The following EXOC4 variants were observed in gnomAD, a reference collection of about 807,000 sequenced individuals.
EXOC4 encodes SEC8-like 1.
A neutral mutation model predicts 107.2 loss-of-function variants in EXOC4; 71 were observed. That is an observed-to-expected ratio of 0.66 (90% CI 0.55 to 0.81). The LOEUF (loss-of-function observed/expected upper bound fraction) is 0.81, where lower values mean the gene tolerates loss of function less well. Ranked by LOEUF, EXOC4 falls within the 30% of genes least tolerant of loss-of-function variation. EXOC4 has a pLI of 0.00. For missense variants in EXOC4, 1,108 were observed against 1,189.6 expected (o/e 0.93, Z 1.01); for synonymous variants, 456 against 441.2 (o/e 1.03, Z -0.42).
intron 9 of EXOC4, among the ~76,000 whole-genome samples, chr7:133,560,860 T>G (rs1800791844): frequency 6.6e-6 from 1 of 152,172 alleles, no homozygotes; most frequent in South Asian, 2.1e-4. Context: ...ATGTTTAGGA[T>G]ACAATGAATT....
chr7:133,333,860 A>C (rs1264850865), intron 5 of EXOC4, among the ~76,000 whole-genome samples: 1 of 152,244 alleles, frequency 6.6e-6, no homozygotes, highest in Non-Finnish European at 1.5e-5. Context: ...TATATACATG[A>C]AATCATTTTA....
chr7:133,604,351 T>G (rs981176120), intron 9 of EXOC4, among the ~76,000 whole-genome samples: 1 of 152,218 alleles, frequency 6.6e-6, no homozygotes, highest in Admixed American at 6.5e-5. Flanking sequence ...TAATGTATAA[T>G]GTTTGTAATT....
At chr7:133,830,767 A>G (rs1048388371) in intron 11 of EXOC4, among the ~76,000 whole-genome samples, 45 of 152,304 alleles carry the variant, frequency 3.0e-4, no homozygotes, top group Non-Finnish European at 5.6e-4. Context: ...GCCAATATTG[A>G]CACATTATTA....
chr7:133,695,934 T>A (rs1794524905), intron 10 of EXOC4, among the ~76,000 whole-genome samples: 1 of 152,246 alleles, frequency 6.6e-6, no homozygotes, highest in Non-Finnish European at 1.5e-5. Flanking sequence ...CTTGAAATAA[T>A]GTTTTATTAT....
intron 10 of EXOC4, among the ~76,000 whole-genome samples, chr7:133,724,749 C>T (rs368851228): frequency 3.9e-5 from 6 of 152,128 alleles, no homozygotes; most frequent in African/African-American, 9.7e-5. Context: ...AATATGGGAA[C>T]GGTTCATGCA....
At chr7:133,723,823 C>T (rs921245317) in intron 10 of EXOC4, among the ~76,000 whole-genome samples, 1 of 151,958 alleles carries the variant, frequency 6.6e-6, no homozygotes, top group Non-Finnish European at 1.5e-5. Context: ...GAGACAGGGC[C>T]TCACTATGTT....
intron 10 of EXOC4, among the ~76,000 whole-genome samples, chr7:133,800,097 G>A (rs1796905692): frequency 8.5e-6 from 1 of 118,108 alleles, no homozygotes; most frequent in Non-Finnish European, 1.6e-5. Context: ...TATACTTACA[G>A]TCAAACATAT....
chr7:133,895,700 C>G lies in EXOC4; in HGVS notation c.1836C>G (p.Leu612=), dbSNP rs778165869. 3.0e-5 allele frequency: 48 copies of G among 1,614,022 alleles called. No individual in the cohort carries two copies. In the Middle Eastern group the frequency reaches 4.9e-4, roughly 17 times the overall value. The part of the protein sequence containing the change: ...DQFLNMVCVK[L]QEYKDTCTAA... ...TCCTCAACATGGTGTGCGTGAAGCTCCAGGAGTACAAGGACACCTGCACTG... is the reference window on the plus strand; with the variant it reads ...TCCTCAACATGGTGTGCGTGAAGCTGCAGGAGTACAAGGACACCTGCACTG... Residue 612 remains leucine, a synonymous_variant, in exon 12 of 18, where the codon CTC becomes CTG. Coordinates refer to ENST00000253861, the MANE Select transcript of EXOC4 (RefSeq NM_021807.4).
intron 7 of EXOC4, among the ~76,000 whole-genome samples, chr7:133,458,416 G>A (rs1798512641): frequency 1.3e-5 from 2 of 152,196 alleles, no homozygotes; most frequent in African/African-American, 4.8e-5. Context: ...ATTGGAGTTT[G>A]AGGAGATGTC....
chr7:134,052,796 C>T (rs10246276), intron 17 of EXOC4, among the ~76,000 whole-genome samples: 3,262 of 152,156 alleles, frequency 0.021, 86 homozygotes, highest in African/African-American at 0.064. Flanking sequence ...CCTAAATCTG[C>T]CAGAGAATGA....
intron 17 of EXOC4, among the ~76,000 whole-genome samples, chr7:134,059,457 A>G (rs1399708743): frequency 6.6e-5 from 10 of 152,204 alleles, no homozygotes; most frequent in Non-Finnish European, 1.5e-4. Flanking sequence ...GCATACCTAC[A>G]TACATTAAAA....
At chr7:133,320,939 G>C (rs181475137) in intron 5 of EXOC4, among the ~76,000 whole-genome samples, 1 of 152,124 alleles carries the variant, frequency 6.6e-6, no homozygotes, top group African/African-American at 2.4e-5. Flanking sequence ...TAATAAACTG[G>C]AAGTCCTAAG....
chr7:133,865,938 C>T (rs1461856902), intron 11 of EXOC4, among the ~76,000 whole-genome samples: 1 of 152,112 alleles, frequency 6.6e-6, no homozygotes, highest in East Asian at 1.9e-4. Flanking sequence ...AACTTGGAGA[C>T]ATCTGTTTTG....
intron 13 of EXOC4, among the ~76,000 whole-genome samples, chr7:133,937,455 CA>C (rs1449897139): frequency 2.0e-5 from 3 of 152,118 alleles, no homozygotes; most frequent in Non-Finnish European, 4.4e-5. Flanking sequence ...GAACATTATT[CA>C]ATATTTTCTA....
At chr7:133,604,328 TATC>T in intron 9 of EXOC4, among the ~76,000 whole-genome samples, 1 of 152,350 alleles carries the variant, frequency 6.6e-6, no homozygotes, top group African/African-American at 2.4e-5. Flanking sequence ...AGTCATTTAT[TATC>T]ATTAGTAAGT....
intron 17 of EXOC4, among the ~76,000 whole-genome samples, chr7:134,027,826 G>A (rs956725501): frequency 3.3e-5 from 5 of 152,150 alleles, no homozygotes; most frequent in African/African-American, 9.7e-5. Context: ...TCTTAATTGA[G>A]TAGGACCTTA....
At chr7:133,813,720 T>C (rs188994770) in intron 10 of EXOC4, among the ~76,000 whole-genome samples, 111 of 152,336 alleles carry the variant, frequency 7.3e-4, no homozygotes, top group Non-Finnish European at 1.1e-3. Flanking sequence ...ATTTTATTTT[T>C]CTTTCACATT....
intron 11 of EXOC4, among the ~76,000 whole-genome samples, chr7:133,828,164 A>C (rs1797741839): frequency 6.6e-6 from 1 of 152,194 alleles, no homozygotes; most frequent in African/African-American, 2.4e-5. Flanking sequence ...AGGAACTGAA[A>C]TACATTAACA....
intron 14 of EXOC4, among the ~76,000 whole-genome samples, chr7:133,958,720 A>T (rs140437578): frequency 1.5e-3 from 227 of 152,340 alleles, no homozygotes; most frequent in Non-Finnish European, 2.4e-3. Context: ...TCTGTTTAGG[A>T]TATATTTACC....
Sources: gnomAD v4.1 joint callset for allele counts (sites outside exome capture counted in the v4.1 genomes callset) on GRCh38, gnomAD v4.1.1 for gene constraint, MANE v1.5 for transcripts, NCBI Gene and HGNC (gene_info 2026-07-23, HGNC 2026-07-21) for gene names.